DACH2: variants seen among roughly 807,000 people sequenced by gnomAD.
DACH2 encodes the protein dachshund homolog 2.
Under a neutral mutation model 35.8 loss-of-function variants are expected in DACH2, and 17 were observed. The observed-to-expected ratio is 0.48, with a 90% confidence interval of 0.33 to 0.71. DACH2 has a LOEUF of 0.71. Among genes scored for constraint, DACH2 ranks in the 30% least tolerant of loss-of-function variants. DACH2 has a pLI of 0.02. For missense variants in DACH2, 469 were observed against 472.7 expected, an observed-to-expected ratio of 0.99 and a Z score of 0.07; for synonymous variants, 195 against 177.3, an observed-to-expected ratio of 1.10 and a Z score of -0.79.
chrX:86,450,561 G>C (rs2037356936), intron 2 of DACH2, among the ~76,000 whole-genome samples: 1 of 110,946 alleles, frequency 9.0e-6, no homozygotes, highest in Non-Finnish European at 1.9e-5. Flanking sequence ...ATGATAGAAG[G>C]ATTTATATTC....
chrX:86,445,566 CAAA>C (rs34980646), intron 2 of DACH2, among the ~76,000 whole-genome samples: 2 of 48,102 alleles, frequency 4.2e-5, no homozygotes, highest in African/African-American at 8.9e-5. Context: ...TCAGAGTGAA[CAAA>C]AAAAAAAAAA....
rs780963312 is a variant in DACH2, at chrX:86,442,355, T to TTGTGTG, written c.527+65521_527+65526dup. Reference sequence around the variant, plus strand: ...CTTTTGCTCATTTTTAAGTAGTATTTTGTGTGTGTGTGTGTGTGTGTGTGT... The same window carrying TTGTGTG: ...CTTTTGCTCATTTTTAAGTAGTATTTTGTGTGTGTGTGTGTGTGTGTGTGTGTGTGT... On this transcript the variant is annotated intron_variant, in intron 2 of 11. Coordinates refer to ENST00000373125, the MANE Select transcript of DACH2 (RefSeq NM_053281.3). 3.1e-3 allele frequency among the ~76,000 whole-genome samples: 220 copies of TTGTGTG among 71,303 alleles called. 1 individual carries two copies. Among genetic ancestry groups the TTGTGTG allele is most frequent in the East Asian group, 0.012 (22 of 1,781 alleles). The allele number at this position is 71,303 out of a possible 115,157, so 61.9% of individuals were successfully genotyped here.
In DACH2 at chrX:86,297,043, G is replaced by GTATATATA. The variant is rs35078642; in HGVS notation, c.489-79760_489-79753dup. Among the ~76,000 whole-genome samples, 525 of 89,888 alleles carry GTATATATA rather than the reference G, an allele frequency of 5.8e-3. 6 individuals carry two copies. The highest frequency in any genetic ancestry group is 0.02 in the African/African-American group (457 of 22,914). The allele number at this position is 89,888 out of a possible 115,157, so 78.1% of individuals were successfully genotyped here. ...CAGTCCTATAAATAAATATAATTGT[G>GTATATATA]TATATATATATATATATATATATAT... is the stretch of plus-strand genomic sequence containing the variant. On this transcript the variant is annotated intron_variant, in intron 1 of 11. Transcript: ENST00000373125.
At chrX:86,783,315 G>T (rs951481164) in intron 7 of DACH2, among the ~76,000 whole-genome samples, 1 of 112,091 alleles carries the variant, frequency 8.9e-6, no homozygotes, top group Non-Finnish European at 1.9e-5. Context: ...TAAACTGTTG[G>T]TGGGAATGTA....
chrX:86,805,650 ATTTG>A (rs974239404), intron 7 of DACH2, among the ~76,000 whole-genome samples: 12 of 110,505 alleles, frequency 1.1e-4, no homozygotes, highest in African/African-American at 3.6e-4. Context: ...GTATCAGGTC[ATTTG>A]TTTGCTCACA....
chrX:86,417,693 G>T (rs2036731621), intron 2 of DACH2, among the ~76,000 whole-genome samples: 1 of 111,084 alleles, frequency 9.0e-6, no homozygotes, highest in Non-Finnish European at 1.9e-5. Flanking sequence ...TTTGGGTGGG[G>T]ACACATCCAA....
chrX:86,634,054 G>A (rs2040233671), intron 3 of DACH2, among the ~76,000 whole-genome samples: 1 of 111,292 alleles, frequency 9.0e-6, no homozygotes, highest in African/African-American at 3.3e-5. Context: ...TTACAATCAT[G>A]GTGGAAGATG....
At chrX:86,311,403 G>A (rs935024942) in intron 1 of DACH2, among the ~76,000 whole-genome samples, 4 of 111,918 alleles carry the variant, frequency 3.6e-5, no homozygotes, top group African/African-American at 9.7e-5. Context: ...TTGATAGAAC[G>A]GTGGAATGGT....
intron 3 of DACH2, among the ~76,000 whole-genome samples, chrX:86,623,919 G>C (rs2040098550): frequency 9.8e-6 from 1 of 101,624 alleles, no homozygotes; most frequent in Non-Finnish European, 2.0e-5. Flanking sequence ...ATGGTGGCGC[G>C]TGCCTGTAGT....
intron 1 of DACH2, among the ~76,000 whole-genome samples, chrX:86,318,155 C>A (rs2034948958): frequency 1.8e-5 from 2 of 111,953 alleles, no homozygotes; most frequent in Non-Finnish European, 1.9e-5. Context: ...TGTTTCAAAC[C>A]TTGTTTACAG....
intron 7 of DACH2, among the ~76,000 whole-genome samples, chrX:86,742,309 T>G (rs988642309): frequency 4.5e-5 from 5 of 111,125 alleles, no homozygotes; most frequent in Admixed American, 9.6e-5. Flanking sequence ...AATTAACATT[T>G]TTCTCTTTCA....
chrX:86,346,435 A>G (rs1473011138), intron 1 of DACH2, among the ~76,000 whole-genome samples: 1 of 109,733 alleles, frequency 9.1e-6, no homozygotes, highest in Non-Finnish European at 1.9e-5. Flanking sequence ...ATTAAAAAAA[A>G]TTGATATAAG....
At chrX:86,242,441 C>T (rs1485731816) in intron 1 of DACH2, among the ~76,000 whole-genome samples, 1 of 112,389 alleles carries the variant, frequency 8.9e-6, no homozygotes, top group Non-Finnish European at 1.9e-5. Context: ...GTAGCATTTA[C>T]TTAATGCCTG....
chrX:86,675,556 C>T (rs930434124), intron 4 of DACH2, among the ~76,000 whole-genome samples: 14 of 110,452 alleles, frequency 1.3e-4, no homozygotes, highest in African/African-American at 3.0e-4. Context: ...TCGTGGCACA[C>T]GCCTATAGTC....
chrX:86,446,027 T>G (rs2037267446), intron 2 of DACH2, among the ~76,000 whole-genome samples: 1 of 111,370 alleles, frequency 9.0e-6, no homozygotes, highest in African/African-American at 3.3e-5. Context: ...TATATTTAAG[T>G]GCCCCAATGT....
chrX:86,203,835 G>A (rs1339339902), intron 1 of DACH2, among the ~76,000 whole-genome samples: 5 of 111,211 alleles, frequency 4.5e-5, no homozygotes, highest in Admixed American at 2.9e-4. Context: ...GACAAGAATA[G>A]AGTTTGGGAG....
chrX:86,599,518 C>CTTTCTTT (rs1569449953), intron 3 of DACH2, among the ~76,000 whole-genome samples: 1 of 97,226 alleles, frequency 1.0e-5, no homozygotes, highest in African/African-American at 3.8e-5. Context: ...TTCTTTCTTT[C>CTTTCTTT]AAAGAGTCTC....
At chrX:86,782,640 C>T (rs5968997) in intron 7 of DACH2, among the ~76,000 whole-genome samples, 14,923 of 111,106 alleles carry the variant, frequency 0.13, 800 homozygotes, top group East Asian at 0.33. Context: ...AAGTTACCAA[C>T]AGCATACACT....
chrX:86,796,611 A>C lies in DACH2; in HGVS notation c.1241-16245A>C, dbSNP rs190969124. On this transcript the variant is annotated intron_variant, in intron 7 of 11. Transcript: ENST00000373125. ...ATATTAGTATTGAAAGATCTTACAT[A>C]TTAATTTTCTCTTTATTTTCCTTTC... Among the ~76,000 whole-genome samples, 4 of 112,395 alleles carry C rather than the reference A, an allele frequency of 3.6e-5. No homozygotes were observed. In the East Asian group the frequency reaches 1.1e-3, roughly 31 times the overall value.
Sources: gnomAD v4.1 joint callset for allele counts (sites outside exome capture counted in the v4.1 genomes callset) on GRCh38, gnomAD v4.1.1 for gene constraint, MANE v1.5 for transcripts, NCBI Gene and HGNC (gene_info 2026-07-23, HGNC 2026-07-21) for gene names.